The following KANK4 variants were observed in gnomAD, a reference collection of about 807,000 sequenced individuals.
The protein encoded by KANK4 is KN motif and ankyrin repeat domain-containing protein 4.
A neutral mutation model predicts 80.8 loss-of-function variants in KANK4; 50 were observed. The observed-to-expected ratio is 0.62, with a 90% CI of 0.49 to 0.78. KANK4 has a LOEUF of 0.78. KANK4 is among the 30% of genes least tolerant of loss of function. The pLI is 0.00. For synonymous variants in KANK4, 465 were observed against 506.9 expected (o/e 0.92, Z 1.11); for missense variants, 1,196 against 1,240.1 (o/e 0.96, Z 0.53).
rs757602889 is a variant in KANK4 at position 62,236,687 on chromosome 1, C to T, written c.*1590G>A. On this transcript the variant is annotated 3_prime_UTR_variant, in exon 10 of 10. Transcript: ENST00000371153. ...TCGGCTCACTGAAACCTCCGCCTCC[C>T]GGGTTCAAGTGAGTCTCCTGCCTCA... Among the ~76,000 whole-genome samples, 2 of 151,270 alleles carry T rather than the reference C, an allele frequency of 1.3e-5. No homozygotes were observed. The highest frequency in any genetic ancestry group is 2.9e-5 in the Non-Finnish European group (2 of 67,916).
chr1:62,263,434 A>G (rs1414860738), intron 6 of KANK4, 123 bp from the exon 7 acceptor site: 1 of 768,650 alleles, frequency 1.3e-6, no homozygotes, highest in Admixed American at 2.5e-5. Context: ...CATGTGATTT[A>G]TTCCTGAAGG....
rs941742010 is a variant in KANK4, at chr1:62,319,342, G to A, written c.-307C>T. ...GCACCCCTGCGGGCACACCCACCGC[G>A]GCGGATGCGGGACTGGCCAGGCGCC... On this transcript the variant is annotated 5_prime_UTR_variant, in exon 1 of 10. Transcript: ENST00000371153. 22 of 151,948 alleles carry A rather than the reference G, an allele frequency of 1.4e-4. No homozygotes were observed. The highest frequency in any genetic ancestry group is 1.3e-3 in the Admixed American group (20 of 15,260). 9.4% of individuals were successfully genotyped at this position (151,948 alleles called of 1,614,324 possible). A position where few individuals can be genotyped will look rare whatever the true frequency, so the allele number is the denominator to read the frequency against.
At chr1:62,280,063 G>C (rs781736355) in intron 2 of KANK4, among the ~76,000 whole-genome samples, 1 of 152,148 alleles carries the variant, frequency 6.6e-6, no homozygotes, top group Non-Finnish European at 1.5e-5. Context: ...GCAGGTGAGC[G>C]AACCAACCAG....
chr1:62,275,888 GGAA>G (rs1672301357), intron 2 of KANK4, among the ~76,000 whole-genome samples: 1 of 96,056 alleles, frequency 1.0e-5, no homozygotes, highest in African/African-American at 4.3e-5. Context: ...AAGGGAGGAA[GGAA>G]GGAAGGGGAA....
intron 8 of KANK4, 84 bp downstream of exon 8, chr1:62,252,983 A>G (rs2149123931): frequency 6.7e-7 from 1 of 1,495,782 alleles, no homozygotes. Context: ...ATGGATCTGC[A>G]TGGAATTTCT....
At chr1:62,305,402 G>A (rs1464794352) in intron 1 of KANK4, among the ~76,000 whole-genome samples, 5 of 152,176 alleles carry the variant, frequency 3.3e-5, no homozygotes, top group South Asian at 4.2e-4. Flanking sequence ...TCCGCTTCCC[G>A]GGTTCAAGCA....
intron 1 of KANK4, among the ~76,000 whole-genome samples, chr1:62,317,396 G>C (rs1644550461): frequency 6.6e-6 from 1 of 152,124 alleles, no homozygotes; most frequent in Non-Finnish European, 1.5e-5. Flanking sequence ...TGCACACATG[G>C]GGCAGTGAGT....
At chr1:62,315,845 A>G (rs112099329) in intron 1 of KANK4, among the ~76,000 whole-genome samples, 6 of 152,188 alleles carry the variant, frequency 3.9e-5, no homozygotes, top group Admixed American at 2.6e-4. Flanking sequence ...ACTAGGAGTA[A>G]AAGTTGCCTC....
chr1:62,254,656 T>C (rs937860016), intron 7 of KANK4, among the ~76,000 whole-genome samples: 6 of 151,824 alleles, frequency 4.0e-5, no homozygotes, highest in Non-Finnish European at 8.8e-5. Flanking sequence ...TGGGTTCAAG[T>C]GATTCTCCTG....
In KANK4 at chr1:62,274,822, C is replaced by T. The variant is rs554572829; in HGVS notation, c.282G>A (p.Val94=). 4.3e-6 allele frequency: 7 copies of T among 1,614,036 alleles called. No homozygotes were observed. The African/African-American group carries it at 9.3e-5, about 22-fold the overall frequency. The change falls in exon 3 of 10, where the codon GTG becomes GTA. Residue 94 remains valine (V), a synonymous_variant. Transcript: ENST00000371153. ...AAPPLQNWSP[V]VPREASLGTQ... ...TCCCAAGTGATGCCTCCCTTGGCAC[C>T]ACGGGAGACCAGTTTTGGAGGGGCG...
At position 62,238,071 on chromosome 1, in the gene KANK4, G is replaced by A. The variant is rs1393084567; in HGVS notation, c.*206C>T. 2.4e-5 allele frequency: 12 copies of A among 507,778 alleles called. No homozygotes were observed. The highest frequency in any genetic ancestry group is 3.8e-5 in the South Asian group (1 of 26,058). The allele number at this position is 507,778 out of a possible 1,614,324, so 31.5% of individuals were successfully genotyped here. ...CACCTTGAACCCTGCTCTGAAGCCC[G>A]TGTAGTTTTCAGGCTTGGCCTAAGG... On this transcript the variant is annotated 3_prime_UTR_variant, in exon 10 of 10. Coordinates refer to ENST00000371153, the MANE Select transcript of KANK4 (RefSeq NM_181712.5).
chr1:62,313,512 C>T (rs1644513895), intron 1 of KANK4, among the ~76,000 whole-genome samples: 1 of 152,170 alleles, frequency 6.6e-6, no homozygotes, highest in Non-Finnish European at 1.5e-5. Context: ...CCCAAACACC[C>T]TATTATGGAG....
Position 62,268,458 on chromosome 1 carries a change from G to A in KANK4, c.2060C>T (p.Pro687Leu). The A allele has an allele frequency of 6.2e-7, 1 of 1,613,802 alleles. No homozygotes were observed. Reference sequence around the variant, plus strand: ...TGCCTCGCTGTCAGACAAGTCCTCTGGGGTGCTGTCCTCACCGCTGGTCTC... The same window carrying A: ...TGCCTCGCTGTCAGACAAGTCCTCTAGGGTGCTGTCCTCACCGCTGGTCTC... ...SEETSGEDST[P>L]EDLSDSEAEK... The change falls in exon 5 of 10, where the codon CCA becomes CTA. Residue 687 changes from proline to leucine, a missense_variant. By Grantham distance (98) the Pro-to-Leu change is moderately conservative. Around this residue, in one of 3 missense-constraint regions of KANK4, gnomAD observed 1,154 missense variants for 1,179.6 expected, o/e 0.98. Transcript: ENST00000371153.
chr1:62,278,320 T>TCTTTCTTTCTTCCTTC (rs1420040026), intron 2 of KANK4, among the ~76,000 whole-genome samples: 55 of 60,456 alleles, frequency 9.1e-4, no homozygotes, highest in African/African-American at 2.9e-3. Flanking sequence ...ACATTTTCTT[T>TCTTTCTTTCTTCCTTC]CTTCCTTCCT....
intron 1 of KANK4, among the ~76,000 whole-genome samples, chr1:62,296,537 G>C (rs1270509978): frequency 6.6e-6 from 1 of 152,098 alleles, no homozygotes; most frequent in African/African-American, 2.4e-5. Context: ...AATTATTTTT[G>C]GTGGTTTTTT....
intron 7 of KANK4, among the ~76,000 whole-genome samples, chr1:62,261,891 G>A (rs1487129611): frequency 6.6e-6 from 1 of 152,128 alleles, no homozygotes; most frequent in African/African-American, 2.4e-5. Context: ...GCCGCTCCCT[G>A]AACTAGACAC....
At chr1:62,271,245 C>A (rs776796200) in intron 4 of KANK4, among the ~76,000 whole-genome samples, 7 of 152,166 alleles carry the variant, frequency 4.6e-5, no homozygotes, top group African/African-American at 1.7e-4. Context: ...AGTCCTGGCC[C>A]TGGGGAAGAC....
Position 62,273,999 on chromosome 1 carries a change from C to T in KANK4, c.1105G>A (p.Ala369Thr). The change falls in exon 3 of 10, where the codon GCT becomes ACT. Residue 369 changes from alanine (A) to threonine (T), a missense_variant. By Grantham distance (58) the Ala-to-Thr change is moderately conservative (BLOSUM62 0). This residue lies in a region of KANK4 where 1,154 missense variants were observed against 1,179.6 expected (regional missense o/e 0.98). Transcript: ENST00000371153. ...RTEELAQVRT[A>T]LQQQEEEIKA... Reference sequence around the variant, plus strand: ...ATTTCCTCTTCCTGCTGCTGGAGAGCAGTTCTGACCTGTGCCAGTTCCTCG... The same window carrying T: ...ATTTCCTCTTCCTGCTGCTGGAGAGTAGTTCTGACCTGTGCCAGTTCCTCG... The T allele has an allele frequency of 6.2e-7, 1 of 1,614,206 alleles. No homozygotes were observed. Among genetic ancestry groups the T allele is most frequent in the Admixed American group, 1.7e-5 (1 of 60,028 alleles).
chr1:62,259,423 T>C (rs1172906626), intron 7 of KANK4, among the ~76,000 whole-genome samples: 1 of 152,142 alleles, frequency 6.6e-6, no homozygotes, highest in Non-Finnish European at 1.5e-5. Flanking sequence ...ACCACAGGCG[T>C]GTGCCATCAC....
Sources: gnomAD v4.1 joint callset for allele counts (sites outside exome capture counted in the v4.1 genomes callset) on GRCh38, gnomAD v4.1.1 for gene constraint, gnomAD v4.1.1 regional missense constraint, MANE v1.5 for transcripts, NCBI Gene and HGNC (gene_info 2026-07-23, HGNC 2026-07-21) for gene names.